Variants in LRRC23 observed in about 807,000 individuals in gnomAD.
The protein encoded by LRRC23 is leucine-rich repeat-containing protein 23.
A neutral mutation model predicts 37.7 loss-of-function variants in LRRC23; 28 were observed. The observed-to-expected ratio is 0.74, with a 90% CI of 0.55 to 1.02. LRRC23 has a LOEUF of 1.02. Ranked by LOEUF, LRRC23 falls within the 50% of genes least tolerant of loss-of-function variation. The pLI is 0.00. For synonymous variants in LRRC23, 161 were observed against 165.4 expected (o/e 0.97, Z 0.20); for missense variants, 377 against 413.2 (o/e 0.91, Z 0.76).
At chr12:6,913,250 A>G in intron 7 of LRRC23, 1 of 532,242 alleles carries the variant, frequency 1.9e-6, no homozygotes, top group East Asian at 3.2e-5. Flanking sequence ...AAGTGAAAAG[A>G]ATTGGGGTGG....
At chr12:6,913,706 A>G (rs1041557764) in intron 7 of LRRC23, 185 bp from the exon 8 acceptor site, 1 of 402,218 alleles carries the variant, frequency 2.5e-6, no homozygotes, top group Non-Finnish European at 4.4e-6. Flanking sequence ...CTGGGACTAC[A>G]GGCGCATGCA....
At chr12:6,910,398 GA>G (rs1945130097) in intron 6 of LRRC23, among the ~76,000 whole-genome samples, 1 of 152,032 alleles carries the variant, frequency 6.6e-6, no homozygotes, top group African/African-American at 2.4e-5. Flanking sequence ...AACCTAGTGA[GA>G]CCATGTTTCT....
chr12:6,907,230 G>A, intron 4 of LRRC23, 85 bp from the exon 5 acceptor site: 1 of 1,527,370 alleles, frequency 6.5e-7, no homozygotes, highest in Non-Finnish European at 9.0e-7. Context: ...GCGAATGGTA[G>A]GATGATTTAG....
chr12:6,914,197 T>C lies in LRRC23; in HGVS notation c.*331T>C. The C allele has an allele frequency of 1.2e-6, 1 of 801,680 alleles. No individual in the cohort carries two copies. The highest frequency in any genetic ancestry group is 1.7e-5 in the African/African-American group (1 of 57,254). The allele number at this position is 801,680 out of a possible 1,614,324, so 49.7% of individuals were successfully genotyped here. On this transcript the variant is annotated 3_prime_UTR_variant, in exon 8 of 8. Coordinates refer to ENST00000443597, the MANE Select transcript of LRRC23 (RefSeq NM_001135217.2). This position sits in a 1 kb window ranked among gnomAD's most constrained non-coding sequence, Gnocchi z 7.1. ...GAGAGACTTGCGAAGGCGGCTGGGG[T>C]GTTCGGATTTCCAATAAAGAAACAG...
At position 6,905,827 on chromosome 12, in the gene LRRC23, C is replaced by T. The variant is rs781925591; in HGVS notation, c.127-18C>T. 4 of 1,613,294 alleles carry T rather than the reference C, an allele frequency of 2.5e-6. No individual in the cohort carries two copies. Among genetic ancestry groups the T allele is most frequent in the East Asian group, 2.2e-5 (1 of 44,870 alleles). On this transcript the variant is annotated intron_variant, in intron 2 of 7. Coordinates refer to ENST00000443597, the MANE Select transcript of LRRC23 (RefSeq NM_001135217.2). ...GGTTGGGCAGGGGAGAGACACCTTA[C>T]TCCACTTCTACCTGCAGTGGCTGCC...
At position 6,909,877 on chromosome 12, in the gene LRRC23, C is replaced by T. The variant is rs782113978; in HGVS notation, c.622-13C>T. ...CTCCCTCTCAATCAATCCACTGTGC[C>T]CTGGGGGTCTAGGCCCAAAACATGC... On this transcript the variant is annotated splice_polypyrimidine_tract_variant and intron_variant, in intron 5 of 7. Coordinates refer to ENST00000443597, the MANE Select transcript of LRRC23 (RefSeq NM_001135217.2). 3 of 1,607,668 alleles carry T rather than the reference C, an allele frequency of 1.9e-6. No individual in the cohort carries two copies. The highest frequency in any genetic ancestry group is 2.2e-5 in the South Asian group (2 of 90,092).
rs1555139476 is a variant in LRRC23 at position 6,905,910 on chromosome 12, C to A, written c.192C>A (p.Gly64=). ...KEGLSLLCKT[G]NGLAHAYVKL... ...GGCTTTCTCTGCTCTGTAAGACAGGCAATGGGCTGGCTCATGCTTATGTCA... is the reference window on the plus strand; with the variant it reads ...GGCTTTCTCTGCTCTGTAAGACAGGAAATGGGCTGGCTCATGCTTATGTCA... The change falls in exon 3 of 8, where the codon GGC becomes GGA. Residue 64 remains glycine, a synonymous_variant. Coordinates refer to ENST00000443597, the MANE Select transcript of LRRC23 (RefSeq NM_001135217.2). 1.2e-6 allele frequency: 2 copies of A among 1,613,968 alleles called. No individual in the cohort carries two copies. The highest frequency in any genetic ancestry group is 1.6e-4 in the Middle Eastern group (1 of 6,062).
At position 6,906,554 on chromosome 12, in the gene LRRC23, GC is replaced by G. The variant is rs1555139636; in HGVS notation, c.385del (p.Gln129ArgfsTer2). ...GGCTGATGGCAATCGGCTGCGAAGT[GC>G]CCAGATGAATGAACTGCCCTACCTG... is the stretch of plus-strand genomic sequence containing the variant. ...LKADGNRLRSAQMNELPYLQI... is the reference protein window; with the variant it reads ...LKADGNRLRSXQMNELPYLQI... On this transcript the variant is annotated frameshift_variant, in exon 4 of 8. Transcript: ENST00000443597. LOFTEE classifies it high-confidence loss of function. 4 of 1,614,210 alleles carry G rather than the reference GC, an allele frequency of 2.5e-6. No homozygotes were observed. Among genetic ancestry groups the G allele is most frequent in the Non-Finnish European group, 3.4e-6 (4 of 1,180,042 alleles).
chr12:6,908,553 C>T (rs757583594), intron 5 of LRRC23, among the ~76,000 whole-genome samples: 1 of 135,726 alleles, frequency 7.4e-6, no homozygotes, highest in Non-Finnish European at 1.5e-5. Flanking sequence ...GCTGAGATCA[C>T]GCCACTGCAA....
At chr12:6,909,496 A>ATATTT (rs1945105193) in intron 5 of LRRC23, among the ~76,000 whole-genome samples, 1 of 75,460 alleles carries the variant, frequency 1.3e-5, no homozygotes, top group African/African-American at 5.9e-5. Flanking sequence ...ATAATATATT[A>ATATTT]TATATTATAT....
chr12:6,907,430 G>A lies in LRRC23; in HGVS notation c.606G>A (p.Leu202=). Residue 202 remains leucine, a synonymous_variant, in exon 5 of 8, where the codon CTG becomes CTA. Coordinates refer to ENST00000443597, the MANE Select transcript of LRRC23 (RefSeq NM_001135217.2). Reference sequence around the variant, plus strand: ...CCCTGGGAATCAATCTTCCTAAGCTGAAGAACCTCTACCTGGTAGCTCACT... The same window carrying A: ...CCCTGGGAATCAATCTTCCTAAGCTAAAGAACCTCTACCTGGTAGCTCACT... ...ESTLGINLPK[L]KNLYLAQNML... 2 of 1,614,044 alleles carry A rather than the reference G, an allele frequency of 1.2e-6. No homozygotes were observed. The highest frequency in any genetic ancestry group is 1.7e-6 in the Non-Finnish European group (2 of 1,180,002).
intron 6 of LRRC23, 32 bp downstream of exon 6, chr12:6,910,058 C>G: frequency 1.3e-6 from 2 of 1,580,364 alleles, no homozygotes; most frequent in Non-Finnish European, 1.7e-6. Context: ...CACCTTGCCC[C>G]TACCCCTGAC....
chr12:6,910,081 T>C, intron 6 of LRRC23, 55 bp downstream of exon 6: 1 of 1,532,238 alleles, frequency 6.5e-7, no homozygotes, highest in Non-Finnish European at 8.8e-7. Context: ...GGTGCAGCTT[T>C]TGAGTCTGTG....
chr12:6,912,219 G>A (rs950696549), intron 6 of LRRC23, among the ~76,000 whole-genome samples: 4 of 152,020 alleles, frequency 2.6e-5, no homozygotes, highest in Non-Finnish European at 4.4e-5. Flanking sequence ...GCTCGATCTC[G>A]GCTCACTGTA....
intron 7 of LRRC23, 183 bp from the exon 8 acceptor site, chr12:6,913,708 G>A: frequency 2.4e-6 from 1 of 411,178 alleles, no homozygotes; most frequent in Non-Finnish European, 4.3e-6. Context: ...GGGACTACAG[G>A]CGCATGCAAC....
chr12:6,911,757 C>T (rs1309963830), intron 6 of LRRC23, among the ~76,000 whole-genome samples: 1 of 152,154 alleles, frequency 6.6e-6, no homozygotes, highest in African/African-American at 2.4e-5. Context: ...CCTGTAATCC[C>T]AGCACTTTGG....
chr12:6,908,452 C>G (rs143626940), intron 5 of LRRC23, among the ~76,000 whole-genome samples: 2,198 of 151,806 alleles, frequency 0.014, 49 homozygotes, highest in African/African-American at 0.05. Context: ...CAAAAATTAG[C>G]CCAGTGTGCT....
intron 7 of LRRC23, among the ~76,000 whole-genome samples, chr12:6,913,555 G>GTTTTTTTTTTTTTTTTTTTTTTTT (rs869177982): frequency 1.3e-5 from 1 of 76,364 alleles, no homozygotes; most frequent in South Asian, 4.7e-4. Context: ...ACCTCTGTTT[G>GTTTTTTTTTTTTTTTTTTTTTTTT]TTTTTTTTTT....
chr12:6,905,625 G>A lies in LRRC23; in HGVS notation c.-9G>A. 6.2e-7 allele frequency: 1 copy of A among 1,613,608 alleles called. No individual in the cohort carries two copies. Among genetic ancestry groups the A allele is most frequent in the Non-Finnish European group, 8.5e-7 (1 of 1,179,792 alleles). On this transcript the variant is annotated 5_prime_UTR_variant, in exon 2 of 8. Coordinates refer to ENST00000443597, the MANE Select transcript of LRRC23 (RefSeq NM_001135217.2). Reference sequence around the variant, plus strand: ...TATCTGACTCCAGAGCTTTCAGGAGGGAAGAAAGATGTCAGATGAAGATGA... The same window carrying A: ...TATCTGACTCCAGAGCTTTCAGGAGAGAAGAAAGATGTCAGATGAAGATGA...
Sources: allele counts gnomAD v4.1 joint callset (sites outside exome capture counted in the v4.1 genomes callset), GRCh38; gene constraint gnomAD v4.1.1; non-coding constraint Gnocchi (gnomAD v3.1); transcripts MANE v1.5; gene names NCBI Gene and HGNC (gene_info 2026-07-23, HGNC 2026-07-21).